Variants in PCDHA5 observed in about 807,000 individuals in gnomAD.
The protein encoded by PCDHA5 is protocadherin alpha 5, also known as protocadherin alpha-5.
Under a neutral mutation model 61.6 loss-of-function variants are expected in PCDHA5, and 43 were observed. The observed-to-expected ratio is 0.70, with a 90% CI of 0.55 to 0.90. PCDHA5 has a LOEUF of 0.90. Among genes scored for constraint, PCDHA5 ranks in the 40% least tolerant of loss-of-function variants. The probability of loss-of-function intolerance (pLI) is 0.00; values close to 1 mark genes in which losing one functional copy is unlikely to be tolerated. For synonymous variants in PCDHA5, 627 were observed against 543.9 expected, an observed-to-expected ratio of 1.15 and a Z score of -2.13; for missense variants, 1,298 against 1,222.7, an observed-to-expected ratio of 1.06 and a Z score of -0.92.
At chr5:140,918,793 A>G (rs155800) in intron 1 of PCDHA5, among the ~76,000 whole-genome samples, 49,687 of 146,416 alleles carry the variant, frequency 0.34, 8,402 homozygotes, top group East Asian at 0.54. Context: ...GACACAGCAA[A>G]AATGTGACAT....
chr5:140,824,610 G>GTTGTTTTTTTTTTT (rs1768193318), intron 1 of PCDHA5: 1 of 95,104 alleles, frequency 1.1e-5, no homozygotes, highest in African/African-American at 4.9e-5. Flanking sequence ...GCTAATTAAA[G>GTTGTTTTTTTTTTT]TTTTTTTTTT....
chr5:140,873,464 T>C (rs904556302), intron 1 of PCDHA5, among the ~76,000 whole-genome samples: 1 of 152,214 alleles, frequency 6.6e-6, no homozygotes, highest in Non-Finnish European at 1.5e-5. Context: ...TTTTAGATAA[T>C]TCAAATTACT....
intron 1 of PCDHA5, among the ~76,000 whole-genome samples, chr5:140,933,174 A>G (rs1400055066): frequency 2.0e-5 from 3 of 151,742 alleles, no homozygotes; most frequent in Non-Finnish European, 3.0e-5. Context: ...AATTGATGGC[A>G]TAAGATAATG....
At chr5:140,901,161 G>A (rs1554189608) in intron 1 of PCDHA5, among the ~76,000 whole-genome samples, 1 of 152,084 alleles carries the variant, frequency 6.6e-6, no homozygotes, top group African/African-American at 2.4e-5. Flanking sequence ...TCTGTGGGTT[G>A]TCTCTTCACT....
chr5:140,828,675 T>TTA, intron 1 of PCDHA5: 1 of 1,614,212 alleles, frequency 6.2e-7, no homozygotes, highest in Non-Finnish European at 8.5e-7. Flanking sequence ...ATTGGGCTCT[T>TTA]ATTAAAGAAA....
At chr5:140,995,592 A>G (rs2097690478) in intron 3 of PCDHA5, among the ~76,000 whole-genome samples, 1 of 152,212 alleles carries the variant, frequency 6.6e-6, no homozygotes, top group East Asian at 1.9e-4. Context: ...CTTTTAACTT[A>G]GTGTTTTTCT....
intron 1 of PCDHA5, among the ~76,000 whole-genome samples, chr5:140,960,767 G>A (rs1160174091): frequency 1.3e-5 from 2 of 152,036 alleles, no homozygotes; most frequent in Admixed American, 6.6e-5. Context: ...GAGTTACAGA[G>A]GAGAAATAGG....
intron 1 of PCDHA5, among the ~76,000 whole-genome samples, chr5:140,893,943 G>C (rs550475): frequency 0.54 from 81,510 of 151,914 alleles, 22,066 homozygotes; most frequent in African/African-American, 0.61. Flanking sequence ...TGTTAATTCT[G>C]CATGACTTTA....
At chr5:140,835,601 A>C (rs2150239166) in intron 1 of PCDHA5, 1 of 1,613,906 alleles carries the variant, frequency 6.2e-7, no homozygotes, top group South Asian at 1.1e-5. Flanking sequence ...ATTACTATTC[A>C]TTGGTGCTGG....
At chr5:140,915,840 G>C (rs1554197129) in intron 1 of PCDHA5, among the ~76,000 whole-genome samples, 1 of 152,142 alleles carries the variant, frequency 6.6e-6, no homozygotes, top group African/African-American at 2.4e-5. Context: ...AGATCAGCAG[G>C]GGGTGACACC....
chr5:140,967,676 G>A (rs1334899934), intron 1 of PCDHA5: 3 of 1,614,104 alleles, frequency 1.9e-6, no homozygotes, highest in African/African-American at 2.7e-5. Context: ...GTCGGACCGG[G>A]AGAGGCAGCT....
chr5:140,882,059 A>C, intron 1 of PCDHA5: 1 of 799,024 alleles, frequency 1.3e-6, no homozygotes, highest in Non-Finnish European at 1.9e-6. Flanking sequence ...TTACACTTAC[A>C]CGTTCATGCG....
At chr5:140,856,381 G>T in intron 1 of PCDHA5, 2 of 1,598,516 alleles carry the variant, frequency 1.3e-6, no homozygotes, top group South Asian at 1.1e-5. Context: ...TCGTGGACAG[G>T]CCGCTGCAGG....
At chr5:140,862,765 T>A in intron 1 of PCDHA5, 1 of 576,704 alleles carries the variant, frequency 1.7e-6, no homozygotes. Context: ...CGGCAAGAGG[T>A]ACGCGTTGCA....
chr5:140,854,117 G>T, intron 1 of PCDHA5: 1 of 316,936 alleles, frequency 3.2e-6, no homozygotes, highest in Non-Finnish European at 4.3e-6. Flanking sequence ...AACTGTGATG[G>T]CACAACTGCA....
chr5:140,887,309 G>T (rs2061400609), intron 1 of PCDHA5, among the ~76,000 whole-genome samples: 1 of 152,182 alleles, frequency 6.6e-6, no homozygotes, highest in South Asian at 2.1e-4. Flanking sequence ...TGTTAGCCAG[G>T]ATAGTCTCGA....
intron 1 of PCDHA5, chr5:140,829,828 G>C: frequency 6.2e-7 from 1 of 1,613,938 alleles, no homozygotes; most frequent in Non-Finnish European, 8.5e-7. Flanking sequence ...CAGTGAGCGA[G>C]CTGGTGCCGC....
At chr5:140,889,872 G>A (rs1554184085) in intron 1 of PCDHA5, among the ~76,000 whole-genome samples, 1 of 152,140 alleles carries the variant, frequency 6.6e-6, no homozygotes, top group South Asian at 2.1e-4. Flanking sequence ...GGGGAAGCCT[G>A]CCACCATGTA....
intron 1 of PCDHA5, among the ~76,000 whole-genome samples, chr5:140,946,752 A>G (rs1470208958): frequency 9.2e-5 from 14 of 151,470 alleles, no homozygotes; most frequent in African/African-American, 3.4e-4. Context: ...CAAATACTGC[A>G]TGATCTCATT....
Sources: allele counts gnomAD v4.1 joint callset (sites outside exome capture counted in the v4.1 genomes callset), GRCh38; gene constraint gnomAD v4.1.1; transcripts MANE v1.5; gene names NCBI Gene and HGNC (gene_info 2026-07-23, HGNC 2026-07-21).